THSD7A: variants seen among roughly 807,000 people sequenced by gnomAD.
The protein encoded by THSD7A is thrombospondin type 1 domain containing 7A.
In THSD7A, 96 loss-of-function variants were observed where a neutral mutation model predicts 231.3. The observed-to-expected ratio is 0.41, with a 90% CI of 0.35 to 0.49. The LOEUF (loss-of-function observed/expected upper bound fraction) is 0.49. Ranked by LOEUF, THSD7A falls within the 20% of genes least tolerant of loss-of-function variation. The pLI, the probability that THSD7A is intolerant of heterozygous loss-of-function variation, is 0.05. For missense variants in THSD7A, 2,290 were observed against 2,070.2 expected (o/e 1.11, Z -2.06); for synonymous variants, 940 against 743.3 (o/e 1.26, Z -4.30).
chr7:11,467,726 G>T (rs1417909183), intron 9 of THSD7A, among the ~76,000 whole-genome samples: 1 of 150,208 alleles, frequency 6.7e-6, no homozygotes, highest in African/African-American at 2.4e-5. Flanking sequence ...TTCTTTTCAA[G>T]TATGGTTTTT....
At chr7:11,791,710 C>T (rs138166680) in intron 1 of THSD7A, among the ~76,000 whole-genome samples, 106 of 151,898 alleles carry the variant, frequency 7.0e-4, no homozygotes, top group African/African-American at 2.3e-3. Context: ...TTGGTCCCAA[C>T]GGCCATTTCT....
chr7:11,791,447 A>G (rs1349311789), intron 1 of THSD7A, among the ~76,000 whole-genome samples: 1 of 152,000 alleles, frequency 6.6e-6, no homozygotes, highest in African/African-American at 2.4e-5. Context: ...AAGATCAAAT[A>G]TATTTATCCT....
At chr7:11,602,346 C>G (rs1225453711) in intron 2 of THSD7A, among the ~76,000 whole-genome samples, 1 of 151,848 alleles carries the variant, frequency 6.6e-6, no homozygotes, top group Non-Finnish European at 1.5e-5. Context: ...TATAATTTTT[C>G]AATACCCCAA....
intron 1 of THSD7A, among the ~76,000 whole-genome samples, chr7:11,740,716 T>C (rs1782084735): frequency 6.6e-6 from 1 of 151,966 alleles, no homozygotes; most frequent in African/African-American, 2.4e-5. Flanking sequence ...ACATTTTATT[T>C]TCCATTACCT....
chr7:11,448,836 A>C (rs1176105377), intron 11 of THSD7A, among the ~76,000 whole-genome samples: 3 of 152,044 alleles, frequency 2.0e-5, no homozygotes, highest in Non-Finnish European at 4.4e-5. Flanking sequence ...TGTGCTTTTC[A>C]TTTAGTACAC....
At chr7:11,555,052 T>A (rs1789788534) in intron 4 of THSD7A, among the ~76,000 whole-genome samples, 1 of 151,886 alleles carries the variant, frequency 6.6e-6, no homozygotes, top group Admixed American at 6.6e-5. Context: ...CAGCTGTTTG[T>A]TTTATTGGTT....
chr7:11,390,648 T>C (rs1782944307), intron 23 of THSD7A, among the ~76,000 whole-genome samples: 1 of 152,210 alleles, frequency 6.6e-6, no homozygotes, highest in Non-Finnish European at 1.5e-5. Context: ...TGAGGAGGTG[T>C]GATCCTTTGG....
intron 1 of THSD7A, among the ~76,000 whole-genome samples, chr7:11,648,008 A>C (rs1044014123): frequency 1.3e-5 from 2 of 152,236 alleles, no homozygotes; most frequent in Admixed American, 1.3e-4. Flanking sequence ...GCATTAACAC[A>C]GTCCACAAAG....
At chr7:11,399,664 G>C (rs1358876735) in intron 23 of THSD7A, among the ~76,000 whole-genome samples, 2 of 152,180 alleles carry the variant, frequency 1.3e-5, no homozygotes, top group Non-Finnish European at 2.9e-5. Context: ...GGAAACAACA[G>C]GTGCTGGAGA....
At chr7:11,731,653 T>C (rs1011736520) in intron 1 of THSD7A, among the ~76,000 whole-genome samples, 9 of 151,528 alleles carry the variant, frequency 5.9e-5, no homozygotes, top group Non-Finnish European at 1.0e-4. Context: ...TCTAAATAAA[T>C]AATGCAAGCA....
chr7:11,524,296 G>T (rs28641839), intron 6 of THSD7A, among the ~76,000 whole-genome samples: 2,281 of 152,168 alleles, frequency 0.015, 64 homozygotes, highest in African/African-American at 0.053. Flanking sequence ...CAATCTTGGC[G>T]CACAACTTCC....
At chr7:11,542,839 T>G (rs1789210517) in intron 5 of THSD7A, 123 bp downstream of exon 5, 1 of 1,079,572 alleles carries the variant, frequency 9.3e-7, no homozygotes, top group Non-Finnish European at 1.3e-6. Flanking sequence ...CTTTTGAAAT[T>G]AATAGTCTTT....
intron 9 of THSD7A, among the ~76,000 whole-genome samples, chr7:11,468,791 G>A (rs2128300580): frequency 6.6e-6 from 1 of 152,164 alleles, no homozygotes; most frequent in South Asian, 2.1e-4. Context: ...CCGAAATTGA[G>A]CCACTGTACT....
intron 1 of THSD7A, among the ~76,000 whole-genome samples, chr7:11,702,719 A>G (rs1161740815): frequency 1.3e-5 from 2 of 151,204 alleles, no homozygotes; most frequent in African/African-American, 2.4e-5. Flanking sequence ...TTAAATAATT[A>G]TTTGTGTGTC....
chr7:11,769,138 TATA>T (rs1783132199), intron 1 of THSD7A, among the ~76,000 whole-genome samples: 1 of 59,280 alleles, frequency 1.7e-5, no homozygotes, highest in African/African-American at 5.5e-5. Context: ...TATATATATA[TATA>T]TATATATATA....
In THSD7A at chr7:11,474,385, G is replaced by T; in HGVS notation, c.2201C>A (p.Thr734Lys). 6.2e-7 allele frequency: 1 copy of T among 1,613,438 alleles called. No homozygotes were observed. Among genetic ancestry groups the T allele is most frequent in the Middle Eastern group, 1.7e-4 (1 of 6,058 alleles). The change falls in exon 8 of 28, where the codon ACA (threonine) becomes AAA (lysine). Residue 734 changes from threonine to lysine, a missense_variant. Transcript: ENST00000423059. This position sits in a 1 kb window ranked among gnomAD's most constrained non-coding sequence, Gnocchi z 4.1. The part of the protein sequence containing the change: ...GEASCSVGMQ[T>K]RKVICVRVNV... ...GACTCGCACACAGATGACTTTTCTTGTCTGCATGCCGACAGAGCAGGAGGC... is the reference window on the plus strand; with the variant it reads ...GACTCGCACACAGATGACTTTTCTTTTCTGCATGCCGACAGAGCAGGAGGC...
At position 11,370,945 on chromosome 7, in the gene THSD7A, G is replaced by T. The variant is rs189583144; in HGVS notation, c.*4849C>A. ...GAAAAATAGGGAAAAGTTTACTTGA[G>T]GGTTAAAAGTAGGTAATCTAGAAAC... On this transcript the variant is annotated 3_prime_UTR_variant, in exon 28 of 28. Coordinates refer to ENST00000423059, the MANE Select transcript of THSD7A (RefSeq NM_015204.3). 5 of 152,136 alleles carry T rather than the reference G, an allele frequency of 3.3e-5. No individual in the cohort carries two copies. In the East Asian group the frequency reaches 7.7e-4, roughly 23 times the overall value. 9.4% of individuals were successfully genotyped at this position (152,136 alleles called of 1,614,324 possible).
rs868853075 is a variant in THSD7A, at chr7:11,692,075, G to A, written c.191-55114C>T. Among the ~76,000 whole-genome samples the A allele has an allele frequency of 7.3e-5, 11 of 151,614 alleles. No homozygotes were observed. In the South Asian group the frequency reaches 2.1e-3, roughly 29 times the overall value. Reference sequence around the variant, plus strand: ...CAAACACCATGTTAGTGTAAGAGAGGCTGCTTGTGTAGGGTGAGATGGATC... The same window carrying A: ...CAAACACCATGTTAGTGTAAGAGAGACTGCTTGTGTAGGGTGAGATGGATC... On this transcript the variant is annotated intron_variant, in intron 1 of 27. Coordinates refer to ENST00000423059, the MANE Select transcript of THSD7A (RefSeq NM_015204.3).
chr7:11,400,198 T>A (rs983113014), intron 23 of THSD7A, among the ~76,000 whole-genome samples: 1 of 147,938 alleles, frequency 6.8e-6, no homozygotes, highest in Non-Finnish European at 1.5e-5. Context: ...CATTAGAAGA[T>A]ATACCTAATG....
Sources: allele counts gnomAD v4.1 joint callset (sites outside exome capture counted in the v4.1 genomes callset), GRCh38; gene constraint gnomAD v4.1.1; non-coding constraint Gnocchi (gnomAD v3.1); transcripts MANE v1.5; gene names NCBI Gene and HGNC (gene_info 2026-07-23, HGNC 2026-07-21).